OLFM4: variants seen among roughly 807,000 people sequenced by gnomAD.
OLFM4 encodes the protein olfactomedin-4.
In OLFM4, 22 loss-of-function variants were observed where a neutral mutation model predicts 25.5. That is an observed-to-expected ratio of 0.86 (90% CI 0.62 to 1.23). OLFM4 has a LOEUF of 1.23. Among genes scored for constraint, OLFM4 ranks in the 50% most tolerant of loss-of-function variants. The probability of loss-of-function intolerance (pLI) is 0.00; values close to 1 mark genes in which losing one functional copy is unlikely to be tolerated. For synonymous variants in OLFM4, 255 were observed against 237.7 expected, an observed-to-expected ratio of 1.07 and a Z score of -0.67; for missense variants, 594 against 619.4, an observed-to-expected ratio of 0.96 and a Z score of 0.44.
intron 3 of OLFM4, among the ~76,000 whole-genome samples, chr13:53,042,574 C>T (rs889166090): frequency 2.0e-5 from 3 of 152,156 alleles, no homozygotes; most frequent in Admixed American, 1.3e-4. Context: ...TGGAAACCCC[C>T]TTTAAGAAAT....
intron 2 of OLFM4, among the ~76,000 whole-genome samples, chr13:53,037,973 A>G (rs1468786335): frequency 1.2e-4 from 18 of 152,136 alleles, no homozygotes; most frequent in Admixed American, 1.2e-3. Context: ...CGCTCACACA[A>G]ATTTTATTCC....
intron 2 of OLFM4, 62 bp from the exon 3 acceptor site, chr13:53,041,848 G>A (rs1954688316): frequency 5.1e-6 from 6 of 1,174,214 alleles, no homozygotes; most frequent in Non-Finnish European, 7.6e-6. Flanking sequence ...GGGCTCGGTA[G>A]TGGAAGAAGA....
intron 4 of OLFM4, among the ~76,000 whole-genome samples, chr13:53,044,072 T>A (rs34162017): frequency 0.057 from 8,664 of 152,184 alleles, 331 homozygotes; most frequent in East Asian, 0.19. Context: ...ATTTGTAAAA[T>A]GGGAGAATAA....
At chr13:53,045,580 TA>T (rs1954711721) in intron 4 of OLFM4, among the ~76,000 whole-genome samples, 1 of 152,140 alleles carries the variant, frequency 6.6e-6, no homozygotes, top group African/African-American at 2.4e-5. Context: ...TATGGGACTT[TA>T]AAATCTGGCC....
At chr13:53,036,150 T>A (rs1331872159) in intron 2 of OLFM4, among the ~76,000 whole-genome samples, 1 of 152,236 alleles carries the variant, frequency 6.6e-6, no homozygotes, top group Non-Finnish European at 1.5e-5. Flanking sequence ...TAAGTTTAAA[T>A]GAGTGTCCAG....
In OLFM4 at chr13:53,050,125, A is replaced by G. The variant is rs1954738291; in HGVS notation, c.887A>G (p.Asp296Gly). 7 of 1,613,958 alleles carry G rather than the reference A, an allele frequency of 4.3e-6. No homozygotes were observed. Among genetic ancestry groups the G allele is most frequent in the Non-Finnish European group, 5.1e-6 (6 of 1,179,932 alleles). The change falls in exon 5 of 5, where the codon GAT (aspartate) becomes GGT (glycine). Residue 296 changes from aspartate (D) to glycine (G), a missense_variant. Asp to Gly is a moderately conservative substitution (Grantham distance 94). Transcript: ENST00000219022. Reference sequence around the variant, plus strand: ...TATTGGGTGGCGCCATTGAATACAGATGGGAGACTGTTGGAGTATTATAGA... The same window carrying G: ...TATTGGGTGGCGCCATTGAATACAGGTGGGAGACTGTTGGAGTATTATAGA... Reference protein sequence around the residue: ...GLYWVAPLNTDGRLLEYYRLY... With the variant: ...GLYWVAPLNTGGRLLEYYRLY...
chr13:53,050,775 G>C lies in OLFM4; in HGVS notation c.*4G>C, dbSNP rs765932266. The C allele has an allele frequency of 6.4e-7, 1 of 1,568,272 alleles. No individual in the cohort carries two copies. Among genetic ancestry groups the C allele is most frequent in the African/African-American group, 1.4e-5 (1 of 72,882 alleles). On this transcript the variant is annotated 3_prime_UTR_variant, in exon 5 of 5. Coordinates refer to ENST00000219022, the MANE Select transcript of OLFM4 (RefSeq NM_006418.5). ...TGTCTTGCAGAAGCCCCAGTAAGCT[G>C]TTTAGGAGTTAGGGTGAAAGAGAAA...
chr13:53,033,574 G>C (rs973649015), intron 1 of OLFM4, among the ~76,000 whole-genome samples: 8 of 152,208 alleles, frequency 5.3e-5, no homozygotes, highest in African/African-American at 1.9e-4. Flanking sequence ...CTGTGCCAGG[G>C]ACTTGGCTCA....
chr13:53,046,129 T>C lies in OLFM4; in HGVS notation c.730+2865T>C, dbSNP rs1954714113. Among the ~76,000 whole-genome samples, 3 of 152,310 alleles carry C rather than the reference T, an allele frequency of 2.0e-5. No homozygotes were observed. The South Asian group carries it at 6.2e-4, about 32-fold the overall frequency. Reference sequence around the variant, plus strand: ...CACTTCAGAGTCAATTTAGTCTTAATCATTTTATGACTATGATTGTTTTAA... The same window carrying C: ...CACTTCAGAGTCAATTTAGTCTTAACCATTTTATGACTATGATTGTTTTAA... On this transcript the variant is annotated intron_variant, in intron 4 of 4. Coordinates refer to ENST00000219022, the MANE Select transcript of OLFM4 (RefSeq NM_006418.5).
intron 2 of OLFM4, among the ~76,000 whole-genome samples, chr13:53,038,058 G>C (rs950334834): frequency 6.6e-6 from 1 of 152,190 alleles, no homozygotes; most frequent in East Asian, 1.9e-4. Context: ...TGGCTTAAAG[G>C]CTCAACTAAA....
At chr13:53,038,142 T>C (rs1954668841) in intron 2 of OLFM4, among the ~76,000 whole-genome samples, 1 of 152,190 alleles carries the variant, frequency 6.6e-6, no homozygotes, top group Non-Finnish European at 1.5e-5. Flanking sequence ...ACACAGGACG[T>C]GTCTCCTCAA....
In OLFM4 at chr13:53,050,687, T is replaced by A. The variant is rs761343913; in HGVS notation, c.1449T>A (p.Tyr483Ter). The change falls in exon 5 of 5, where the codon TAT becomes TAA. Residue 483 changes from tyrosine to a stop codon, truncating the protein, a stop_gained. Transcript: ENST00000219022. LOFTEE classifies it high-confidence loss of function. Reference sequence around the variant, plus strand: ...AGGAAAAAGTGCAGAGCATTAACTATAACCCTTTTGACCAGAAACTTTATG... The same window carrying A: ...AGGAAAAAGTGCAGAGCATTAACTAAAACCCTTTTGACCAGAAACTTTATG... ...KMQEKVQSIN[Y>*]NPFDQKLYVY... 6.2e-7 allele frequency: 1 copy of A among 1,613,834 alleles called. No homozygotes were observed. Among genetic ancestry groups the A allele is most frequent in the East Asian group, 2.2e-5 (1 of 44,866 alleles).
At position 53,034,369 on chromosome 13, in the gene OLFM4, T is replaced by G. The variant is rs1161770502; in HGVS notation, c.226T>G (p.Ser76Ala). 1.2e-6 allele frequency: 2 copies of G among 1,613,156 alleles called. No individual in the cohort carries two copies. The highest frequency in any genetic ancestry group is 1.7e-6 in the Non-Finnish European group (2 of 1,179,834). The change falls in exon 2 of 5, where the codon TCC becomes GCC. Residue 76 changes from serine (S) to alanine (A), a missense_variant. Transcript: ENST00000219022. Reference sequence around the variant, plus strand: ...GCAGTTGTTTTCCAATTTCACCGGCTCCGTGGATGACCGTGGGACCTGCCA... The same window carrying G: ...GCAGTTGTTTTCCAATTTCACCGGCGCCGTGGATGACCGTGGGACCTGCCA... ...VSQLFSNFTG[S>A]VDDRGTCQCS... is the part of the protein sequence containing the mutation.
rs775066305 is a variant in OLFM4, at chr13:53,049,963, G to T, written c.731-6G>T. The T allele has an allele frequency of 1.3e-6, 2 of 1,589,892 alleles. No homozygotes were observed. Among genetic ancestry groups the T allele is most frequent in the African/African-American group, 1.4e-5 (1 of 73,910 alleles). The stretch of plus-strand genomic sequence containing the variant: ...AAAATGCCTTTTTATTTTCTTGTTT[G>T]TATAGGGAGCTGTGGTCATGGTGGT... On this transcript the variant is annotated splice_region_variant and splice_polypyrimidine_tract_variant and intron_variant, in intron 4 of 4. Transcript: ENST00000219022.
intron 4 of OLFM4, among the ~76,000 whole-genome samples, chr13:53,049,698 C>A (rs1954734223): frequency 6.6e-6 from 1 of 152,138 alleles, no homozygotes; most frequent in African/African-American, 2.4e-5. Context: ...AAATATAGTT[C>A]TTGCTGGTTT....
intron 4 of OLFM4, among the ~76,000 whole-genome samples, chr13:53,046,339 C>A (rs919190429): frequency 6.6e-6 from 1 of 152,168 alleles, no homozygotes; most frequent in Non-Finnish European, 1.5e-5. Flanking sequence ...ATTTTAAATT[C>A]TCATGATTAT....
In OLFM4 at chr13:53,028,888, G is replaced by A. The variant is rs758550849; in HGVS notation, c.52G>A (p.Ala18Thr). ...AGCCCTTCTGTTCTTCCTTGGCCAA[G>A]CTGCAGGGGATTTGGGGGATGTGGG... ...LLALLFFLGQ[A>T]AGDLGDVGPP... is the part of the protein sequence containing the mutation. Residue 18 changes from alanine (A) to threonine (T), a missense_variant, in exon 1 of 5, where the codon GCT becomes ACT. By Grantham distance (58) the Ala-to-Thr change is moderately conservative. Coordinates refer to ENST00000219022, the MANE Select transcript of OLFM4 (RefSeq NM_006418.5). The A allele has an allele frequency of 2.5e-6, 4 of 1,614,252 alleles. No homozygotes were observed. The highest frequency in any genetic ancestry group is 4.5e-5 in the East Asian group (2 of 44,886).
intron 2 of OLFM4, among the ~76,000 whole-genome samples, chr13:53,036,936 C>T (rs1419710747): frequency 6.6e-6 from 1 of 152,212 alleles, no homozygotes; most frequent in Non-Finnish European, 1.5e-5. Context: ...ACTCTCTTTC[C>T]TCTTGGCCAT....
intron 2 of OLFM4, among the ~76,000 whole-genome samples, chr13:53,038,923 C>T (rs565995786): frequency 4.3e-4 from 65 of 152,364 alleles, no homozygotes; most frequent in African/African-American, 1.6e-3. Context: ...GGATGATTGC[C>T]ATTTTCCTGA....
Sources: gnomAD v4.1 joint callset for allele counts (sites outside exome capture counted in the v4.1 genomes callset) on GRCh38, gnomAD v4.1.1 for gene constraint, MANE v1.5 for transcripts, NCBI Gene and HGNC (gene_info 2026-07-23, HGNC 2026-07-21) for gene names.